Variants in DYNC2H1 observed in about 807,000 individuals in gnomAD.
DYNC2H1 encodes dynein cytoplasmic 2 heavy chain 1, also known as cytoplasmic dynein 2 heavy chain 1.
A neutral mutation model predicts 570.0 loss-of-function variants in DYNC2H1; 410 were observed. The observed-to-expected ratio is 0.72, with a 90% CI of 0.66 to 0.78. The LOEUF (loss-of-function observed/expected upper bound fraction) is 0.78, where lower values mean the gene tolerates loss of function less well. Ranked by LOEUF, DYNC2H1 falls within the 30% of genes least tolerant of loss-of-function variation. The pLI is 0.00. For missense variants in DYNC2H1, 4,865 were observed against 5,046.4 expected (o/e 0.96, Z 1.09); for synonymous variants, 1,688 against 1,677.6 (o/e 1.01, Z -0.15).
chr11:103,335,849 G>C (rs1421450252), intron 82 of DYNC2H1, among the ~76,000 whole-genome samples: 2 of 152,106 alleles, frequency 1.3e-5, no homozygotes, highest in African/African-American at 2.4e-5. Flanking sequence ...TTAACTCTCA[G>C]AATAAGAGAG....
chr11:103,213,441 G>A (rs1488981045), intron 54 of DYNC2H1, among the ~76,000 whole-genome samples: 2 of 151,732 alleles, frequency 1.3e-5, no homozygotes, highest in South Asian at 2.1e-4. Flanking sequence ...TATCTGTTTA[G>A]CTTTTCTATG....
At chr11:103,286,761 T>G (rs1412167160) in intron 74 of DYNC2H1, among the ~76,000 whole-genome samples, 2 of 152,140 alleles carry the variant, frequency 1.3e-5, no homozygotes, top group Non-Finnish European at 2.9e-5. Context: ...TATTTTAAAA[T>G]AGAATGTTGA....
rs1051479502 is a variant in DYNC2H1, at chr11:103,472,411, A to T, written c.12765+3706A>T. On this transcript the variant is annotated intron_variant, in intron 88 of 88. Coordinates refer to ENST00000375735, the MANE Select transcript of DYNC2H1 (RefSeq NM_001377.3). This position sits in a 1 kb window ranked among gnomAD's most constrained non-coding sequence, Gnocchi z 4.1. ...TTTTTTTTAAAGAATTGAGAACAGG[A>T]GTATGGTAAGATCAGATTTGTAGTT... Among the ~76,000 whole-genome samples the T allele has an allele frequency of 2.6e-5, 4 of 152,132 alleles. No homozygotes were observed. Among genetic ancestry groups the T allele is most frequent in the African/African-American group, 9.7e-5 (4 of 41,448 alleles).
At position 103,129,076 on chromosome 11, in the gene DYNC2H1, T is replaced by A. The variant is rs1385776021; in HGVS notation, c.1953+71T>A. The A allele has an allele frequency of 7.6e-7, 1 of 1,319,788 alleles. No individual in the cohort carries two copies. The highest frequency in any genetic ancestry group is 1.1e-6 in the Non-Finnish European group (1 of 949,010). 81.8% of individuals were successfully genotyped at this position (1,319,788 alleles called of 1,614,324 possible). On this transcript the variant is annotated intron_variant, in intron 13 of 88. Transcript: ENST00000375735. This position sits in a 1 kb window ranked among gnomAD's most constrained non-coding sequence, Gnocchi z 4.1. ...GTGTTTAATTCTTAATTTTCCGGTG[T>A]TCCCTTCAGCTTAATATATCAAATG...
At chr11:103,187,935 C>G (rs1862141099) in intron 43 of DYNC2H1, among the ~76,000 whole-genome samples, 1 of 152,092 alleles carries the variant, frequency 6.6e-6, no homozygotes, top group Admixed American at 6.6e-5. Context: ...ATTCTTCTCA[C>G]TGCAGTTAGA....
At chr11:103,355,260 T>C (rs1940281307) in intron 82 of DYNC2H1, among the ~76,000 whole-genome samples, 1 of 152,154 alleles carries the variant, frequency 6.6e-6, no homozygotes, top group African/African-American at 2.4e-5. Context: ...AAAATGTAAA[T>C]TATTTAATTT....
At chr11:103,248,915 C>G (rs959284203) in intron 65 of DYNC2H1, among the ~76,000 whole-genome samples, 2 of 151,926 alleles carry the variant, frequency 1.3e-5, no homozygotes, top group African/African-American at 4.8e-5. Context: ...AATATCCAAG[C>G]CTTATGTTGG....
rs1867608079 is a variant in DYNC2H1, at chr11:103,311,942, G to A, written c.11558G>A (p.Ser3853Asn). 6.2e-7 allele frequency: 1 copy of A among 1,613,652 alleles called. No individual in the cohort carries two copies. The highest frequency in any genetic ancestry group is 8.5e-7 in the Non-Finnish European group (1 of 1,179,752). Residue 3853 changes from serine (S) to asparagine (N), a missense_variant, in exon 79 of 89, where the codon AGC becomes AAC. Coordinates refer to ENST00000375735, the MANE Select transcript of DYNC2H1 (RefSeq NM_001377.3). ...TYESWTPEQI[S>N]KKDNTHRAHA... ...GAGTCTTGGACTCCTGAGCAAATTA[G>A]CAAAAAAGATAATACACATCGAGCT...
Position 103,321,099 on chromosome 11 carries a change from C to T in DYNC2H1, c.11796C>T (p.Asp3932=), listed in dbSNP as rs1565493212. Residue 3932 remains aspartate (D), a synonymous_variant, in exon 81 of 89, where the codon GAC becomes GAT. Transcript: ENST00000375735. ...ATGCTATTTATGGAGGACGTATAGA[C>T]AACTATTTTGACCTTAGAGTTCTTC... ...LENAIYGGRI[D]NYFDLRVLQS... 1 of 1,612,690 alleles carries T rather than the reference C, an allele frequency of 6.2e-7. No individual in the cohort carries two copies. Among genetic ancestry groups the T allele is most frequent in the East Asian group, 2.2e-5 (1 of 44,734 alleles).
chr11:103,169,817 C>A (rs187697982), intron 32 of DYNC2H1, among the ~76,000 whole-genome samples: 193 of 152,184 alleles, frequency 1.3e-3, no homozygotes, highest in Non-Finnish European at 2.2e-3. Flanking sequence ...TTTTGGATTT[C>A]TTTTCCTTAG....
In DYNC2H1 at chr11:103,325,257, G is replaced by C. The variant is rs773009475; in HGVS notation, c.12039+1267G>C. Among the ~76,000 whole-genome samples the C allele has an allele frequency of 2.0e-5, 3 of 152,120 alleles. No homozygotes were observed. Among genetic ancestry groups the C allele is most frequent in the African/African-American group, 7.2e-5 (3 of 41,432 alleles). ...TTTGTTTGGGTTGCAATTGCTGTTGGCATCTTTGTCATGAAATTTTTGGGC... is the reference window on the plus strand; with the variant it reads ...TTTGTTTGGGTTGCAATTGCTGTTGCCATCTTTGTCATGAAATTTTTGGGC... On this transcript the variant is annotated intron_variant, in intron 82 of 88. Coordinates refer to ENST00000375735, the MANE Select transcript of DYNC2H1 (RefSeq NM_001377.3). This position sits in a 1 kb window ranked among gnomAD's most constrained non-coding sequence, Gnocchi z 4.8.
chr11:103,204,563 G>A lies in DYNC2H1; in HGVS notation c.8312-259G>A, dbSNP rs184464264. ...CAAAATTGAAATAAGTAAAAAATGA[G>A]GCAATAATCACACCACCCAGACATT... On this transcript the variant is annotated intron_variant, in intron 51 of 88. Coordinates refer to ENST00000375735, the MANE Select transcript of DYNC2H1 (RefSeq NM_001377.3). The surrounding 1 kb of genome is among the most constrained non-coding windows in gnomAD (Gnocchi z 4.1). Among the ~76,000 whole-genome samples, 14 of 151,962 alleles carry A rather than the reference G, an allele frequency of 9.2e-5. No individual in the cohort carries two copies. The East Asian group carries it at 2.7e-3, about 29-fold the overall frequency.
chr11:103,303,140 A>G lies in DYNC2H1; in HGVS notation c.11143A>G (p.Lys3715Glu). The G allele has an allele frequency of 2.5e-6, 4 of 1,611,008 alleles. No homozygotes were observed. Among genetic ancestry groups the G allele is most frequent in the Non-Finnish European group, 3.4e-6 (4 of 1,178,178 alleles). ...GCCTCTAAATCTCAAACGTTTATAC[A>G]AAGAGACACTGGAAATTGAACCCAT... ...PLPLNLKRLY[K>E]ETLEIEPILI... The change falls in exon 76 of 89, where the codon AAA becomes GAA. Residue 3715 changes from lysine (K) to glutamate (E), a missense_variant. Physicochemically the swap from Lys to Glu is moderately conservative, Grantham distance 56. This residue lies in a region of DYNC2H1 where 2,401 missense variants were observed against 2,454.6 expected (regional missense o/e 0.98). Coordinates refer to ENST00000375735, the MANE Select transcript of DYNC2H1 (RefSeq NM_001377.3).
intron 84 of DYNC2H1, among the ~76,000 whole-genome samples, chr11:103,423,471 A>C (rs1943561827): frequency 2.0e-5 from 3 of 151,512 alleles, no homozygotes; most frequent in Admixed American, 6.6e-5. Context: ...ATATACAAAA[A>C]TTATCCCCAA....
intron 48 of DYNC2H1, among the ~76,000 whole-genome samples, chr11:103,198,816 A>G (rs1862604439): frequency 6.6e-6 from 1 of 152,196 alleles, no homozygotes; most frequent in Non-Finnish European, 1.5e-5. Context: ...AAGCAATGCG[A>G]AAGAACAAAC....
At chr11:103,281,702 T>C (rs1866142256) in intron 71 of DYNC2H1, among the ~76,000 whole-genome samples, 1 of 145,312 alleles carries the variant, frequency 6.9e-6, no homozygotes, top group South Asian at 2.2e-4. Flanking sequence ...ACTTGATTAA[T>C]CTTAATTCTA....
At chr11:103,238,119 A>G (rs1864291316) in intron 63 of DYNC2H1, among the ~76,000 whole-genome samples, 1 of 152,162 alleles carries the variant, frequency 6.6e-6, no homozygotes, top group Admixed American at 6.6e-5. Context: ...TAAGGGTGTG[A>G]TTGGATAGCA....
At chr11:103,242,060 T>A (rs1864442594) in intron 63 of DYNC2H1, among the ~76,000 whole-genome samples, 1 of 151,990 alleles carries the variant, frequency 6.6e-6, no homozygotes, top group South Asian at 2.1e-4. Context: ...CCCCCTTTTC[T>A]CCTGGGCATG....
intron 11 of DYNC2H1, among the ~76,000 whole-genome samples, chr11:103,123,315 T>C (rs942786517): frequency 1.3e-5 from 2 of 152,208 alleles, no homozygotes; most frequent in Admixed American, 1.3e-4. Flanking sequence ...TAATATTATA[T>C]GCACACACAC....
Sources: allele counts gnomAD v4.1 joint callset (sites outside exome capture counted in the v4.1 genomes callset), GRCh38; gene constraint gnomAD v4.1.1; regional missense constraint gnomAD v4.1.1; non-coding constraint Gnocchi (gnomAD v3.1); transcripts MANE v1.5; gene names NCBI Gene and HGNC (gene_info 2026-07-23, HGNC 2026-07-21).